Variants in AGAP1 observed in about 807,000 individuals in gnomAD.
The protein encoded by AGAP1 is ArfGAP with GTPase domain, ankyrin repeat and PH domain 1.
A neutral mutation model predicts 105.3 loss-of-function variants in AGAP1; 29 were observed. That is an observed-to-expected ratio of 0.28 (90% confidence interval 0.21 to 0.38). AGAP1 has a LOEUF of 0.38. Ranked by LOEUF, AGAP1 falls within the 10% of genes least tolerant of loss-of-function variation. AGAP1 has a pLI of 1.00. For synonymous variants in AGAP1, 509 were observed against 485.9 expected (o/e 1.05, Z -0.63); for missense variants, 998 against 1,165.1 (o/e 0.86, Z 2.09).
intron 1 of AGAP1, among the ~76,000 whole-genome samples, chr2:235,496,111 G>C (rs377587663): frequency 1.3e-5 from 2 of 152,212 alleles, no homozygotes; most frequent in Non-Finnish European, 2.9e-5. Context: ...TGGCCAGTTA[G>C]GTGGAGAAAG....
chr2:236,127,365 G>C lies in AGAP1; in HGVS notation c.*3243G>C. On this transcript the variant is annotated 3_prime_UTR_variant, in exon 18 of 18. Coordinates refer to ENST00000304032, the MANE Select transcript of AGAP1 (RefSeq NM_001037131.3). The surrounding 1 kb of genome is among the most constrained non-coding windows in gnomAD (Gnocchi z 6.6). ...GAGGGTGAGCAAGTGACAAGTTCCTGAGTCACTGGCCCCAAAACCAGGTGC... is the reference window on the plus strand; with the variant it reads ...GAGGGTGAGCAAGTGACAAGTTCCTCAGTCACTGGCCCCAAAACCAGGTGC... 1 of 152,246 alleles carries C rather than the reference G, an allele frequency of 6.6e-6. No individual in the cohort carries two copies. The highest frequency in any genetic ancestry group is 1.9e-4 in the East Asian group (1 of 5,194). The allele number at this position is 152,246 out of a possible 1,614,324, so 9.4% of individuals were successfully genotyped here.
In AGAP1 at chr2:236,082,666, G is replaced by T. The variant is rs761765213; in HGVS notation, c.2114+33385G>T. Among the ~76,000 whole-genome samples the T allele has an allele frequency of 3.9e-5, 6 of 152,242 alleles. No homozygotes were observed. The highest frequency in any genetic ancestry group is 8.8e-5 in the Non-Finnish European group (6 of 68,042). Reference sequence around the variant, plus strand: ...AGACGGGTGGATCACCTGAGGCCAGGAGTTTGAGACCAGCCTGGCCAACAT... The same window carrying T: ...AGACGGGTGGATCACCTGAGGCCAGTAGTTTGAGACCAGCCTGGCCAACAT... On this transcript the variant is annotated intron_variant, in intron 16 of 17. Coordinates refer to ENST00000304032, the MANE Select transcript of AGAP1 (RefSeq NM_001037131.3). This position sits in a 1 kb window ranked among gnomAD's most constrained non-coding sequence, Gnocchi z 4.2.
intron 16 of AGAP1, among the ~76,000 whole-genome samples, chr2:236,111,147 AC>A (rs1340670424): frequency 1.3e-5 from 2 of 152,184 alleles, no homozygotes; most frequent in Non-Finnish European, 2.9e-5. Flanking sequence ...TGACACAAAC[AC>A]ACAGCAGTGA....
intron 3 of AGAP1, among the ~76,000 whole-genome samples, chr2:235,726,902 G>A (rs1951675106): frequency 6.6e-6 from 1 of 152,226 alleles, no homozygotes; most frequent in African/African-American, 2.4e-5. Flanking sequence ...ATCTCCTGAT[G>A]CACTGAAGTT....
intron 1 of AGAP1, among the ~76,000 whole-genome samples, chr2:235,627,142 G>A (rs1488351434): frequency 6.6e-6 from 1 of 150,776 alleles, no homozygotes; most frequent in Non-Finnish European, 1.5e-5. Flanking sequence ...TTATAAAGGG[G>A]AGTGGCATTG....
intron 1 of AGAP1, among the ~76,000 whole-genome samples, chr2:235,565,564 G>A (rs903788919): frequency 1.2e-4 from 19 of 152,182 alleles, no homozygotes; most frequent in African/African-American, 4.3e-4. Context: ...TATTATGAAG[G>A]TGCTTTACCT....
In AGAP1 at chr2:235,830,207, G is replaced by A. The variant is rs1385485985; in HGVS notation, c.1050+22876G>A. ...TGCAGACAAGGTAGGAGTCGGCTCT[G>A]TGTGACTTCCCCATGACACCAGTGG... On this transcript the variant is annotated intron_variant, in intron 9 of 17. Transcript: ENST00000304032. This position sits in a 1 kb window ranked among gnomAD's most constrained non-coding sequence, Gnocchi z 5.5. Among the ~76,000 whole-genome samples, 1 of 152,212 alleles carries A rather than the reference G, an allele frequency of 6.6e-6. No homozygotes were observed. Among genetic ancestry groups the A allele is most frequent in the Non-Finnish European group, 1.5e-5 (1 of 68,044 alleles).
intron 1 of AGAP1, among the ~76,000 whole-genome samples, chr2:235,508,969 A>G (rs993120742): frequency 1.3e-5 from 2 of 152,038 alleles, no homozygotes; most frequent in Non-Finnish European, 2.9e-5. Flanking sequence ...AAACTCCACC[A>G]CTTTAGTCGG....
chr2:235,838,032 A>C (rs999656916), intron 9 of AGAP1, among the ~76,000 whole-genome samples: 1 of 152,170 alleles, frequency 6.6e-6, no homozygotes, highest in African/African-American at 2.4e-5. Flanking sequence ...AAAACACAAA[A>C]AAACTTAGCT....
intron 10 of AGAP1, among the ~76,000 whole-genome samples, chr2:235,902,813 A>G (rs903104245): frequency 1.3e-5 from 2 of 152,374 alleles, no homozygotes; most frequent in East Asian, 1.9e-4. Context: ...TGCTTTATGC[A>G]TGCTTTTTCC....
intron 9 of AGAP1, among the ~76,000 whole-genome samples, chr2:235,807,627 G>A (rs545887967): frequency 1.3e-5 from 2 of 152,350 alleles, no homozygotes; most frequent in African/African-American, 4.8e-5. Context: ...GGCTTTGATT[G>A]GGCCGCGGGC....
Position 235,631,796 on chromosome 2 carries a change from C to T in AGAP1, c.164-77383C>T, listed in dbSNP as rs560753120. On this transcript the variant is annotated intron_variant, in intron 1 of 17. Coordinates refer to ENST00000304032, the MANE Select transcript of AGAP1 (RefSeq NM_001037131.3). This position sits in a 1 kb window ranked among gnomAD's most constrained non-coding sequence, Gnocchi z 5.4. Reference sequence around the variant, plus strand: ...GCTAATTAAGTTCCGGCTGTTGTGACGGTCTCCTCGGCTGGGTGGCCCTTC... The same window carrying T: ...GCTAATTAAGTTCCGGCTGTTGTGATGGTCTCCTCGGCTGGGTGGCCCTTC... Among the ~76,000 whole-genome samples, 3 of 152,224 alleles carry T rather than the reference C, an allele frequency of 2.0e-5. No homozygotes were observed. Among genetic ancestry groups the T allele is most frequent in the South Asian group, 2.1e-4 (1 of 4,832 alleles).
At chr2:235,846,961 C>G (rs1307205836) in intron 9 of AGAP1, among the ~76,000 whole-genome samples, 1 of 152,174 alleles carries the variant, frequency 6.6e-6, no homozygotes, top group East Asian at 1.9e-4. Flanking sequence ...CCTGTGGCCT[C>G]CCCCTCTTCC....
At position 235,903,184 on chromosome 2, in the gene AGAP1, C is replaced by T. The variant is rs549178046; in HGVS notation, c.1156-5554C>T. On this transcript the variant is annotated intron_variant, in intron 10 of 17. Transcript: ENST00000304032. ...CTCAACATACATGTACAGTTATAAA[C>T]TAGAACTTAATGGAGAAAACGAATT... Among the ~76,000 whole-genome samples the T allele has an allele frequency of 3.9e-5, 6 of 152,222 alleles. No individual in the cohort carries two copies. The South Asian group carries it at 1.2e-3, about 32-fold the overall frequency.
At chr2:236,099,528 G>A (rs6431424) in intron 16 of AGAP1, among the ~76,000 whole-genome samples, 20,904 of 152,064 alleles carry the variant, frequency 0.14, 2,701 homozygotes, top group African/African-American at 0.34. Context: ...TAAGTCATTT[G>A]CTGTCACCAT....
chr2:235,893,241 G>A lies in AGAP1; in HGVS notation c.1155+9792G>A, dbSNP rs536841345. Among the ~76,000 whole-genome samples, 9 of 151,704 alleles carry A rather than the reference G, an allele frequency of 5.9e-5. No homozygotes were observed. In the East Asian group the frequency reaches 7.8e-4, roughly 13 times the overall value. On this transcript the variant is annotated intron_variant, in intron 10 of 17. Transcript: ENST00000304032. This position sits in a 1 kb window ranked among gnomAD's most constrained non-coding sequence, Gnocchi z 4.7. Reference sequence around the variant, plus strand: ...TAATGAAGCACCATGTCTGTAGCGCGGGTGTGCCATGTCCATCATAAGGAA... The same window carrying A: ...TAATGAAGCACCATGTCTGTAGCGCAGGTGTGCCATGTCCATCATAAGGAA...
At chr2:235,636,632 G>A (rs1349954202) in intron 1 of AGAP1, among the ~76,000 whole-genome samples, 1 of 152,152 alleles carries the variant, frequency 6.6e-6, no homozygotes, top group African/African-American at 2.4e-5. Context: ...CATTGGGCTA[G>A]ACTCACTGTT....
At chr2:236,098,620 C>CTTTTTTTTTTTTTGTTTTTTT (rs2059253853) in intron 16 of AGAP1, among the ~76,000 whole-genome samples, 1 of 115,256 alleles carries the variant, frequency 8.7e-6, no homozygotes, top group African/African-American at 3.9e-5. Flanking sequence ...TCTTTTTTTC[C>CTTTTTTTTTTTTTGTTTTTTT]TTTTTTTTTT....
Position 235,612,775 on chromosome 2 carries a change from C to A in AGAP1, c.164-96404C>A, listed in dbSNP as rs532783751. On this transcript the variant is annotated intron_variant, in intron 1 of 17. Coordinates refer to ENST00000304032, the MANE Select transcript of AGAP1 (RefSeq NM_001037131.3). The surrounding 1 kb of genome is among the most constrained non-coding windows in gnomAD (Gnocchi z 4.3). ...TTGCATGCCGGACGCATACCTGGCA[C>A]CTGCTTCCAGGTTGGCCTGCCAGCC... Among the ~76,000 whole-genome samples the A allele has an allele frequency of 6.6e-6, 1 of 152,250 alleles. No homozygotes were observed. The highest frequency in any genetic ancestry group is 2.4e-5 in the African/African-American group (1 of 41,560).
Sources: gnomAD v4.1 joint callset for allele counts (sites outside exome capture counted in the v4.1 genomes callset) on GRCh38, gnomAD v4.1.1 for gene constraint, Gnocchi (gnomAD v3.1) non-coding constraint, MANE v1.5 for transcripts, NCBI Gene and HGNC (gene_info 2026-07-23, HGNC 2026-07-21) for gene names.